RBFOX3: variants seen among roughly 807,000 people sequenced by gnomAD.
RBFOX3 encodes RNA binding fox-1 homolog 3.
Under a neutral mutation model 48.7 loss-of-function variants are expected in RBFOX3, and 17 were observed. That is an observed-to-expected ratio of 0.35 (90% confidence interval 0.24 to 0.52). The LOEUF is 0.52. Among genes scored for constraint, RBFOX3 ranks in the 20% least tolerant of loss-of-function variants. RBFOX3 has a pLI of 0.94. For missense variants in RBFOX3, 382 were observed against 497.5 expected (o/e 0.77, Z 2.21); for synonymous variants, 212 against 209.5 (o/e 1.01, Z -0.10).
At chr17:79,585,764 C>A (rs2093230512) in intron 1 of RBFOX3, among the ~76,000 whole-genome samples, 2 of 151,998 alleles carry the variant, frequency 1.3e-5, no homozygotes, top group Non-Finnish European at 2.9e-5. Flanking sequence ...GCCCAGGAAG[C>A]AAGAGCATCT....
At chr17:79,097,603 G>A (rs1377907418) in intron 10 of RBFOX3, 89 bp downstream of exon 10, 2 of 545,952 alleles carry the variant, frequency 3.7e-6, no homozygotes, top group Non-Finnish European at 2.6e-6. Context: ...ACCTGGCCCC[G>A]CCCCTCATGC....
chr17:79,129,773 G>A (rs2038327846), intron 4 of RBFOX3, among the ~76,000 whole-genome samples: 1 of 152,254 alleles, frequency 6.6e-6, no homozygotes, highest in African/African-American at 2.4e-5. Context: ...ACCATTGCTG[G>A]TTCTAAACTA....
At chr17:79,149,813 C>A (rs2043919277) in intron 4 of RBFOX3, among the ~76,000 whole-genome samples, 1 of 151,240 alleles carries the variant, frequency 6.6e-6, no homozygotes, top group African/African-American at 2.4e-5. Context: ...TGAGCTTCCA[C>A]TGAGCATCTC....
intron 2 of RBFOX3, among the ~76,000 whole-genome samples, chr17:79,358,447 T>C (rs1598378081): frequency 6.6e-6 from 1 of 152,084 alleles, no homozygotes; most frequent in African/African-American, 2.4e-5. Context: ...ACACTTCCTC[T>C]CATTTTTCTT....
intron 3 of RBFOX3, among the ~76,000 whole-genome samples, chr17:79,306,092 G>T (rs988406353): frequency 1.3e-5 from 2 of 152,228 alleles, no homozygotes; most frequent in African/African-American, 4.8e-5. Context: ...GAATCTAGCC[G>T]ATAGGGCTCC....
In RBFOX3 at chr17:79,362,369, T is replaced by G; in HGVS notation, c.-174-54545A>C. Among the ~76,000 whole-genome samples, 1 of 151,406 alleles carries G rather than the reference T, an allele frequency of 6.6e-6. No individual in the cohort carries two copies. The highest frequency in any genetic ancestry group is 6.6e-5 in the Admixed American group (1 of 15,180). On this transcript the variant is annotated intron_variant, in intron 2 of 14. Transcript: ENST00000693108. The surrounding 1 kb of genome is among the most constrained non-coding windows in gnomAD (Gnocchi z 4.2). Reference sequence around the variant, plus strand: ...GTCTGCGTAGGACGGTGGGAGAGGCTGAGTGCAGCGTCTTTCAGAGCCAAA... The same window carrying G: ...GTCTGCGTAGGACGGTGGGAGAGGCGGAGTGCAGCGTCTTTCAGAGCCAAA...
intron 4 of RBFOX3, among the ~76,000 whole-genome samples, chr17:79,181,617 G>GGCCACTGCCGGCCACCCTCT (rs59749890): frequency 1.3e-5 from 2 of 151,588 alleles, no homozygotes; most frequent in African/African-American, 2.4e-5. Context: ...CTGGGCTGCA[G>GGCCACTGCCGGCCACCCTCT]GCCACTGCCG....
chr17:79,152,340 C>G (rs2612775), intron 4 of RBFOX3, among the ~76,000 whole-genome samples: 97,857 of 151,894 alleles, frequency 0.64, 31,888 homozygotes, highest in Non-Finnish European at 0.69. Flanking sequence ...GGTCAGCAAA[C>G]GTGGACACTG....
chr17:79,517,647 G>A, intron 1 of RBFOX3, among the ~76,000 whole-genome samples: 1 of 152,036 alleles, frequency 6.6e-6, no homozygotes, highest in Middle Eastern at 3.2e-3. Flanking sequence ...CCAAGGTGCA[G>A]TGAAAACCCC....
intron 2 of RBFOX3, among the ~76,000 whole-genome samples, chr17:79,357,016 G>A (rs1227724705): frequency 1.3e-5 from 2 of 152,284 alleles, no homozygotes; most frequent in East Asian, 3.9e-4. Flanking sequence ...ACTCACAACA[G>A]AGACTCGGCA....
chr17:79,634,009 C>T, the RBFOX3 span, among the ~76,000 whole-genome samples: 1 of 152,228 alleles, frequency 6.6e-6, no homozygotes, highest in Non-Finnish European at 1.5e-5. Context: ...CTGTCTGCTG[C>T]TATTAACATG....
intron 4 of RBFOX3, among the ~76,000 whole-genome samples, chr17:79,182,735 T>C (rs2146169104): frequency 6.8e-6 from 1 of 146,468 alleles, no homozygotes; most frequent in East Asian, 2.0e-4. Flanking sequence ...CCAGAGCTCC[T>C]GGGGCCTCCC....
intron 2 of RBFOX3, among the ~76,000 whole-genome samples, chr17:79,365,145 ACT>A (rs929665672): frequency 2.0e-5 from 3 of 151,106 alleles, no homozygotes; most frequent in East Asian, 1.9e-4. Context: ...ACACACACAC[ACT>A]CTCTCATGCA....
chr17:79,232,907 A>G (rs1287849809), intron 4 of RBFOX3, among the ~76,000 whole-genome samples: 1 of 152,212 alleles, frequency 6.6e-6, no homozygotes, highest in Non-Finnish European at 1.5e-5. Context: ...CTCACCCACG[A>G]CTGGTGGGAA....
At chr17:79,531,003 G>T (rs969146641) in intron 1 of RBFOX3, among the ~76,000 whole-genome samples, 38 of 152,258 alleles carry the variant, frequency 2.5e-4, no homozygotes, top group African/African-American at 9.2e-4. Context: ...ATTGTGGGCT[G>T]CTGGTATTCT....
chr17:79,539,931 A>G (rs1370224323), intron 1 of RBFOX3, among the ~76,000 whole-genome samples: 1 of 152,186 alleles, frequency 6.6e-6, no homozygotes, highest in African/African-American at 2.4e-5. Flanking sequence ...TGTGTAACAC[A>G]TACCTATACA....
At position 79,610,852 on chromosome 17, in the gene RBFOX3, A is replaced by G. The variant is rs1300243450; in HGVS notation, c.-346T>C. ...GGCTCAGCGCTCCCCGCGGCAGGTG[A>G]CTGGGGGCCGGCGGCCATGCCCCGG... On this transcript the variant is annotated 5_prime_UTR_variant, in exon 1 of 15. Coordinates refer to ENST00000693108, the MANE Select transcript of RBFOX3 (RefSeq NM_001350451.2). Among the ~76,000 whole-genome samples the G allele has an allele frequency of 6.6e-6, 1 of 151,652 alleles. No homozygotes were observed. Among genetic ancestry groups the G allele is most frequent in the Non-Finnish European group, 1.5e-5 (1 of 67,884 alleles).
intron 4 of RBFOX3, among the ~76,000 whole-genome samples, chr17:79,146,597 G>C (rs1023869900): frequency 6.6e-6 from 1 of 152,254 alleles, no homozygotes; most frequent in African/African-American, 2.4e-5. Context: ...GTGCAAAGCA[G>C]CCAGACAAGC....
chr17:79,531,409 C>A (rs995163553), intron 1 of RBFOX3, among the ~76,000 whole-genome samples: 1 of 152,220 alleles, frequency 6.6e-6, no homozygotes, highest in African/African-American at 2.4e-5. Context: ...GTGTTCTCGG[C>A]ATCTGAGGCG....
Sources: gnomAD v4.1 joint callset for allele counts (sites outside exome capture counted in the v4.1 genomes callset) on GRCh38, gnomAD v4.1.1 for gene constraint, Gnocchi (gnomAD v3.1) non-coding constraint, MANE v1.5 for transcripts, NCBI Gene and HGNC (gene_info 2026-07-23, HGNC 2026-07-21) for gene names.